WDR36: variants seen among roughly 807,000 people sequenced by gnomAD.
The protein encoded by WDR36 is WD repeat-containing protein 36.
A neutral mutation model predicts 112.7 loss-of-function variants in WDR36; 63 were observed. The ratio of observed to expected loss-of-function variants is 0.56; its 90% CI spans 0.46 to 0.69. The LOEUF (loss-of-function observed/expected upper bound fraction) is 0.69, where lower values mean the gene tolerates loss of function less well. Among genes scored for constraint, WDR36 ranks in the 30% least tolerant of loss-of-function variants. The pLI is 0.00. For synonymous variants in WDR36, 410 were observed against 362.2 expected, an observed-to-expected ratio of 1.13 and a Z score of -1.50; for missense variants, 1,226 against 1,070.3, an observed-to-expected ratio of 1.15 and a Z score of -2.03.
chr5:111,110,173 G>GT lies in WDR36; in HGVS notation c.1327-8dup, dbSNP rs757448330. On this transcript the variant is annotated splice_polypyrimidine_tract_variant and intron_variant, in intron 12 of 22. Coordinates refer to ENST00000513710, the MANE Select transcript of WDR36 (RefSeq NM_139281.3). ...ATGTTAGTTATTTTGTCATTTGTGG[G>GT]TTTTTTTTCTTAAAGGCAGTGGATA... 2.9e-5 allele frequency: 46 copies of GT among 1,573,602 alleles called. No individual in the cohort carries two copies. Among genetic ancestry groups the GT allele is most frequent in the South Asian group, 5.5e-5 (5 of 90,178 alleles).
intron 2 of WDR36, among the ~76,000 whole-genome samples, chr5:111,095,516 T>C (rs1338859014): frequency 6.6e-6 from 1 of 152,232 alleles, no homozygotes; most frequent in African/African-American, 2.4e-5. Flanking sequence ...CAGTTATTAG[T>C]ATGATGGTTG....
In WDR36 at chr5:111,092,354, T is replaced by C; in HGVS notation, c.-103T>C. 6.2e-7 allele frequency: 1 copy of C among 1,614,240 alleles called. No individual in the cohort carries two copies. The highest frequency in any genetic ancestry group is 8.5e-7 in the Non-Finnish European group (1 of 1,180,040). On this transcript the variant is annotated 5_prime_UTR_variant, in exon 1 of 23. Coordinates refer to ENST00000513710, the MANE Select transcript of WDR36 (RefSeq NM_139281.3). The stretch of plus-strand genomic sequence containing the variant: ...AGCGGGCGCCGGAAGCGGTGTTGTG[T>C]CTGCAGCTCTGGCAGAGGACTGTTC...
At chr5:111,113,594 A>G (rs1753392685) in intron 16 of WDR36, among the ~76,000 whole-genome samples, 1 of 152,100 alleles carries the variant, frequency 6.6e-6, no homozygotes, top group Admixed American at 6.6e-5. Flanking sequence ...AAAAGAAGGC[A>G]TTTTAGATAG....
intron 16 of WDR36, among the ~76,000 whole-genome samples, chr5:111,114,564 A>G (rs2112582463): frequency 6.6e-6 from 1 of 152,348 alleles, no homozygotes; most frequent in South Asian, 2.1e-4. Flanking sequence ...TCCAGCTCTA[A>G]TAATCAGGGA....
intron 2 of WDR36, among the ~76,000 whole-genome samples, chr5:111,095,929 C>T (rs1180373535): frequency 2.6e-5 from 4 of 151,958 alleles, no homozygotes; most frequent in Admixed American, 2.0e-4. Flanking sequence ...AAATATGGTT[C>T]TTGTGAGAGA....
At chr5:111,105,210 C>G in intron 9 of WDR36, 85 bp from the exon 10 acceptor site, 1 of 1,417,990 alleles carries the variant, frequency 7.1e-7, no homozygotes, top group Non-Finnish European at 9.9e-7. Flanking sequence ...TCAAGATTTT[C>G]AAATTGAATT....
rs1399694977 is a variant in WDR36, at chr5:111,098,787, T to G, written c.357T>G (p.Ile119Met). Residue 119 changes from isoleucine (I) to methionine (M), a missense_variant, in exon 4 of 23, where the codon ATT becomes ATG. Physicochemically the swap from Ile to Met is conservative, Grantham distance 10. Coordinates refer to ENST00000513710, the MANE Select transcript of WDR36 (RefSeq NM_139281.3). ...IHFLQPFGDHIISVDTDGILI... is the reference protein window; with the variant it reads ...IHFLQPFGDHMISVDTDGILI... ...TCTTGCAACCCTTTGGAGACCACAT[T>G]ATCTCTGTTGATACTGATGGCATTC... 1.2e-6 allele frequency: 2 copies of G among 1,612,920 alleles called. No homozygotes were observed. Among genetic ancestry groups the G allele is most frequent in the East Asian group, 4.5e-5 (2 of 44,822 alleles).
At chr5:111,093,038 G>T (rs1445150110) in intron 1 of WDR36, among the ~76,000 whole-genome samples, 1 of 152,250 alleles carries the variant, frequency 6.6e-6, no homozygotes. Context: ...TACATTGGGA[G>T]AACCGGAGAT....
chr5:111,120,096 A>G (rs1209343421), intron 17 of WDR36, among the ~76,000 whole-genome samples: 2 of 152,102 alleles, frequency 1.3e-5, no homozygotes, highest in African/African-American at 4.8e-5. Context: ...GAGAAGGGGA[A>G]TCTATGACCT....
chr5:111,123,708 A>G (rs1206445407), intron 19 of WDR36, 97 bp from the exon 20 acceptor site: 34 of 1,469,184 alleles, frequency 2.3e-5, no homozygotes, highest in Non-Finnish European at 3.0e-5. Context: ...TTCCTCTTTT[A>G]CTTTTTGGTA....
chr5:111,114,164 G>C (rs1753407605), intron 16 of WDR36, among the ~76,000 whole-genome samples: 1 of 152,128 alleles, frequency 6.6e-6, no homozygotes, highest in African/African-American at 2.4e-5. Flanking sequence ...TGTCGGCTTT[G>C]TTGTTAAAAA....
intron 12 of WDR36, among the ~76,000 whole-genome samples, chr5:111,109,013 G>T (rs956581321): frequency 6.6e-6 from 1 of 151,278 alleles, no homozygotes; most frequent in Non-Finnish European, 1.5e-5. Flanking sequence ...GTTACTCAAA[G>T]ATAACATTCA....
chr5:111,102,142 G>C (rs1273330407), intron 5 of WDR36, among the ~76,000 whole-genome samples: 1 of 151,094 alleles, frequency 6.6e-6, no homozygotes, highest in Non-Finnish European at 1.5e-5. Flanking sequence ...AGGTGGCATA[G>C]CATAGTAGTT....
At position 111,110,250 on chromosome 5, in the gene WDR36, A is replaced by G; in HGVS notation, c.1388A>G (p.Asp463Gly). 6.2e-7 allele frequency: 1 copy of G among 1,611,172 alleles called. No homozygotes were observed. The highest frequency in any genetic ancestry group is 8.5e-7 in the Non-Finnish European group (1 of 1,177,804). The change falls in exon 13 of 23, where the codon GAT (aspartate) becomes GGT (glycine). Residue 463 changes from aspartate (D) to glycine (G), a missense_variant. Transcript: ENST00000513710. ...AVIGLSSGTV[D>G]VYNMQSGIHR... is the part of the protein sequence containing the mutation. ...ATTGGCCTCTCATCAGGAACTGTAG[A>G]TGTATATAACATGCAGTCTGGCATA... is the stretch of plus-strand genomic sequence containing the variant.
chr5:111,098,927 A>G (rs1753052848), intron 4 of WDR36, 88 bp downstream of exon 4: 2 of 973,106 alleles, frequency 2.1e-6, no homozygotes, highest in Non-Finnish European at 1.6e-6. Context: ...TATGCCAGAG[A>G]TTTTGCCTGT....
At chr5:111,102,036 A>G (rs1216197105) in intron 5 of WDR36, among the ~76,000 whole-genome samples, 1 of 151,650 alleles carries the variant, frequency 6.6e-6, no homozygotes, top group Non-Finnish European at 1.5e-5. Flanking sequence ...CTATAAAGAT[A>G]CTGCAGTCCT....
intron 16 of WDR36, among the ~76,000 whole-genome samples, chr5:111,118,347 G>A (rs1753497940): frequency 6.6e-6 from 1 of 152,030 alleles, no homozygotes; most frequent in Non-Finnish European, 1.5e-5. Context: ...TGTTCTCTGT[G>A]AAGCCCATTC....
chr5:111,100,585 G>T lies in WDR36; in HGVS notation c.410-4G>T. ...AAAAATATTTATAACTTTCACTTTT[G>T]TAGAAGAATACCTGCAGTTGACTTT... is the stretch of plus-strand genomic sequence containing the variant. On this transcript the variant is annotated splice_polypyrimidine_tract_variant and splice_region_variant and intron_variant, in intron 4 of 22. Transcript: ENST00000513710. The T allele has an allele frequency of 6.5e-7, 1 of 1,535,014 alleles. No homozygotes were observed. The highest frequency in any genetic ancestry group is 1.2e-5 in the South Asian group (1 of 82,058).
chr5:111,095,642 C>T (rs186768546), intron 2 of WDR36, among the ~76,000 whole-genome samples: 121 of 152,282 alleles, frequency 7.9e-4, no homozygotes, highest in Non-Finnish European at 1.4e-3. Context: ...TGGAACATTT[C>T]CGATTTCAGA....
Sources: allele counts gnomAD v4.1 joint callset (sites outside exome capture counted in the v4.1 genomes callset), GRCh38; gene constraint gnomAD v4.1.1; transcripts MANE v1.5; gene names NCBI Gene and HGNC (gene_info 2026-07-23, HGNC 2026-07-21).